The following RBFOX1 variants were observed in gnomAD, a reference collection of about 807,000 sequenced individuals.
RBFOX1 encodes the protein RNA binding protein fox-1 homolog 1.
Under a neutral mutation model 57.7 loss-of-function variants are expected in RBFOX1, and 8 were observed. That is an observed-to-expected ratio of 0.14 (90% CI 0.08 to 0.25). RBFOX1 has a LOEUF of 0.25. Among genes scored for constraint, RBFOX1 ranks in the 10% least tolerant of loss-of-function variants. The probability of loss-of-function intolerance (pLI) is 1.00; values close to 1 mark genes in which losing one functional copy is unlikely to be tolerated. For missense variants in RBFOX1, 611 were observed against 548.5 expected (o/e 1.11, Z -1.14); for synonymous variants, 326 against 222.4 (o/e 1.47, Z -4.15).
chr16:5,438,802 C>T (rs1273286569), intron 1 of RBFOX1, among the ~76,000 whole-genome samples: 1 of 152,036 alleles, frequency 6.6e-6, no homozygotes, highest in East Asian at 1.9e-4. Flanking sequence ...GTGGGGGTGT[C>T]ACGTGCTCAG....
intron 3 of RBFOX1, among the ~76,000 whole-genome samples, chr16:6,955,842 A>T (rs944647215): frequency 6.6e-6 from 1 of 151,940 alleles, no homozygotes; most frequent in East Asian, 1.9e-4. Context: ...AGTTGCTGGG[A>T]TTATAGATGC....
At chr16:5,923,161 A>T (rs1276633681) in intron 4 of RBFOX1, among the ~76,000 whole-genome samples, 1 of 152,244 alleles carries the variant, frequency 6.6e-6, no homozygotes, top group Non-Finnish European at 1.5e-5. Context: ...CCAGAGAGGA[A>T]AAACGGCTGC....
At chr16:6,200,902 G>A (rs139148421) in intron 1 of RBFOX1, among the ~76,000 whole-genome samples, 1 of 151,602 alleles carries the variant, frequency 6.6e-6, no homozygotes, top group Non-Finnish European at 1.5e-5. Flanking sequence ...TTTTTATGCA[G>A]CTCATTTTTG....
intron 3 of RBFOX1, among the ~76,000 whole-genome samples, chr16:6,973,103 C>A (rs1324712303): frequency 6.6e-6 from 1 of 151,640 alleles, no homozygotes; most frequent in South Asian, 2.1e-4. Flanking sequence ...TGCACTCCAG[C>A]CTGGGTGACG....
At chr16:5,869,043 G>A (rs1330919206) in intron 4 of RBFOX1, among the ~76,000 whole-genome samples, 3 of 152,186 alleles carry the variant, frequency 2.0e-5, no homozygotes, top group Non-Finnish European at 4.4e-5. Flanking sequence ...ACTTAGAAAG[G>A]CTGAGTAACT....
chr16:7,705,815 T>A (rs369690620), intron 14 of RBFOX1, among the ~76,000 whole-genome samples: 2 of 152,128 alleles, frequency 1.3e-5, no homozygotes, highest in Non-Finnish European at 2.9e-5. Flanking sequence ...CATATATTAG[T>A]GTAGTCATCA....
At chr16:5,984,738 C>T (rs1003618594) in intron 4 of RBFOX1, among the ~76,000 whole-genome samples, 6 of 152,000 alleles carry the variant, frequency 3.9e-5, no homozygotes, top group Admixed American at 1.3e-4. Context: ...TTAACGCAAA[C>T]CTAGATGGTA....
intron 2 of RBFOX1, among the ~76,000 whole-genome samples, chr16:5,593,749 G>A (rs1455971788): frequency 6.6e-6 from 1 of 152,156 alleles, no homozygotes; most frequent in Non-Finnish European, 1.5e-5. Flanking sequence ...GCAGCCCTGG[G>A]GACTGCTCTA....
rs985821389 is a variant in RBFOX1 at position 6,615,084 on chromosome 16, C to A, written c.-63-39519C>A. On this transcript the variant is annotated intron_variant, in intron 2 of 15. Transcript: ENST00000550418. Reference sequence around the variant, plus strand: ...CAGACGAGGGCCATGTGGATGGTATCGTGAAAACAGTTGCACCTTTGCTTA... The same window carrying A: ...CAGACGAGGGCCATGTGGATGGTATAGTGAAAACAGTTGCACCTTTGCTTA... 3.3e-5 allele frequency among the ~76,000 whole-genome samples: 5 copies of A among 152,098 alleles called. No homozygotes were observed. The South Asian group carries it at 1.0e-3, about 31-fold the overall frequency.
intron 2 of RBFOX1, among the ~76,000 whole-genome samples, chr16:5,594,868 A>G (rs2047129545): frequency 6.6e-6 from 1 of 151,026 alleles, no homozygotes; most frequent in Non-Finnish European, 1.5e-5. Context: ...GTGGTGGCTC[A>G]TGTCTATAAT....
At chr16:7,701,479 A>C (rs1244079644) in intron 14 of RBFOX1, among the ~76,000 whole-genome samples, 1 of 152,138 alleles carries the variant, frequency 6.6e-6, no homozygotes, top group Non-Finnish European at 1.5e-5. Context: ...TTGAGAATCT[A>C]ATGCCTGATG....
chr16:5,925,334 T>C (rs181158560), intron 4 of RBFOX1, among the ~76,000 whole-genome samples: 1 of 152,326 alleles, frequency 6.6e-6, no homozygotes, highest in Non-Finnish European at 1.5e-5. Flanking sequence ...TGAAAAGGAA[T>C]GAAGTTCTCA....
chr16:7,519,736 C>A, intron 5 of RBFOX1: 1 of 983,708 alleles, frequency 1.0e-6, no homozygotes, highest in Non-Finnish European at 1.2e-6. Context: ...CCTCTTCGTC[C>A]TGTCCCAAGA....
chr16:5,824,436 C>T (rs909835647), intron 3 of RBFOX1, among the ~76,000 whole-genome samples: 1 of 152,140 alleles, frequency 6.6e-6, no homozygotes, highest in African/African-American at 2.4e-5. Flanking sequence ...TATCTGGTGT[C>T]TCCATTTGTC....
chr16:5,415,942 G>A (rs1373486308), intron 1 of RBFOX1, among the ~76,000 whole-genome samples: 17 of 152,328 alleles, frequency 1.1e-4, no homozygotes, highest in African/African-American at 4.1e-4. Flanking sequence ...CCCTCTGCAT[G>A]TGTGTGGACT....
In RBFOX1 at chr16:6,460,343, A is replaced by G. The variant is rs532315322; in HGVS notation, c.-64+143286A>G. Among the ~76,000 whole-genome samples, 27 of 152,210 alleles carry G rather than the reference A, an allele frequency of 1.8e-4. 1 individual carries two copies. The East Asian group carries it at 5.0e-3, about 28-fold the overall frequency. On this transcript the variant is annotated intron_variant, in intron 2 of 15. Coordinates refer to ENST00000550418, the MANE Select transcript of RBFOX1 (RefSeq NM_018723.4). The stretch of plus-strand genomic sequence containing the variant: ...TATAGGATGAGAGAAAATTTTTGCA[A>G]TCTATCCGTCTGACAAAGGTCTAAT...
At chr16:6,672,740 C>T (rs995033027) in intron 3 of RBFOX1, among the ~76,000 whole-genome samples, 1 of 152,118 alleles carries the variant, frequency 6.6e-6, no homozygotes, top group Non-Finnish European at 1.5e-5. Context: ...AGCAGTGAGG[C>T]AGACATCAGC....
intron 2 of RBFOX1, among the ~76,000 whole-genome samples, chr16:5,479,126 C>A (rs1213779820): frequency 6.6e-6 from 1 of 152,172 alleles, no homozygotes; most frequent in East Asian, 1.9e-4. Flanking sequence ...AAAATGCGGT[C>A]ACAGTTTAAA....
chr16:7,000,748 G>A (rs1269613311), intron 3 of RBFOX1, among the ~76,000 whole-genome samples: 1 of 151,682 alleles, frequency 6.6e-6, no homozygotes, highest in Non-Finnish European at 1.5e-5. Flanking sequence ...GGGACTACAG[G>A]TGTCCGCCAT....
Sources: allele counts gnomAD v4.1 joint callset (sites outside exome capture counted in the v4.1 genomes callset), GRCh38; gene constraint gnomAD v4.1.1; transcripts MANE v1.5; gene names NCBI Gene and HGNC (gene_info 2026-07-23, HGNC 2026-07-21).